TERF2: variants seen among roughly 807,000 people sequenced by gnomAD.
TERF2 encodes the protein telomeric repeat-binding factor 2.
Under a neutral mutation model 56.1 loss-of-function variants are expected in TERF2, and 16 were observed. The ratio of observed to expected loss-of-function variants is 0.29; its 90% CI spans 0.19 to 0.43. The LOEUF is 0.43. Ranked by LOEUF, TERF2 falls within the 20% of genes least tolerant of loss-of-function variation. The probability of loss-of-function intolerance (pLI) is 1.00; values close to 1 mark genes in which losing one functional copy is unlikely to be tolerated. For synonymous variants in TERF2, 296 were observed against 282.1 expected (o/e 1.05, Z -0.50); for missense variants, 547 against 712.9 (o/e 0.77, Z 2.65).
In TERF2 at chr16:69,374,407, A is replaced by T. The variant is rs568434558; in HGVS notation, c.607-2052T>A. Among the ~76,000 whole-genome samples, 379 of 152,064 alleles carry T rather than the reference A, an allele frequency of 2.5e-3. 3 individuals carry two copies. The highest frequency in any genetic ancestry group is 3.9e-3 in the Non-Finnish European group (264 of 67,986). ...TGCTTTGGGAAACTGAGACAGGAGG[A>T]TCACTTGAGGCCAGGAATTTGAAAC... On this transcript the variant is annotated intron_variant, in intron 3 of 9. Transcript: ENST00000254942.
intron 8 of TERF2, 114 bp downstream of exon 8, chr16:69,361,290 A>C: frequency 1.3e-6 from 1 of 760,512 alleles, no homozygotes; most frequent in South Asian, 1.6e-5. Context: ...TCGGGAACTT[A>C]CTGAACTTTT....
chr16:69,358,004 G>A (rs568095694), intron 8 of TERF2, among the ~76,000 whole-genome samples: 3 of 148,274 alleles, frequency 2.0e-5, no homozygotes, highest in South Asian at 2.1e-4. Context: ...CACCACGCCC[G>A]GCTAATTTTT....
At chr16:69,380,262 A>G (rs2013946539) in intron 3 of TERF2, among the ~76,000 whole-genome samples, 1 of 152,172 alleles carries the variant, frequency 6.6e-6, no homozygotes, top group Admixed American at 6.5e-5. Flanking sequence ...TACGAAGCTG[A>G]AAATGGAGGA....
chr16:69,366,632 A>T, intron 7 of TERF2, 175 bp downstream of exon 7: 1 of 827,928 alleles, frequency 1.2e-6, no homozygotes, highest in Non-Finnish European at 1.8e-6. Flanking sequence ...GGGGCTTCAG[A>T]ACCGGCAGGG....
intron 5 of TERF2, among the ~76,000 whole-genome samples, chr16:69,369,266 A>G (rs1269312128): frequency 6.6e-6 from 1 of 152,152 alleles, no homozygotes; most frequent in African/African-American, 2.4e-5. Flanking sequence ...GACTGCTAAG[A>G]TCATGGACAC....
At position 69,356,403 on chromosome 16, in the gene TERF2, C is replaced by G; in HGVS notation, c.*495G>C. 1 of 307,694 alleles carries G rather than the reference C, an allele frequency of 3.2e-6. No homozygotes were observed. Among genetic ancestry groups the G allele is most frequent in the South Asian group, 2.6e-5 (1 of 38,492 alleles). The allele number at this position is 307,694 out of a possible 1,614,324, so 19.1% of individuals were successfully genotyped here. On this transcript the variant is annotated 3_prime_UTR_variant, in exon 10 of 10. Coordinates refer to ENST00000254942, the MANE Select transcript of TERF2 (RefSeq NM_005652.5). ...GCCAAGGACATGGGTGGACTTGGCT[C>G]TGCTTCTTAGCTCCATGATCTCCAA... is the stretch of plus-strand genomic sequence containing the variant.
intron 3 of TERF2, among the ~76,000 whole-genome samples, chr16:69,378,042 G>C (rs1175868717): frequency 1.3e-5 from 2 of 152,168 alleles, no homozygotes; most frequent in African/African-American, 4.8e-5. Context: ...TGGGCTTTTT[G>C]TAGACACCTT....
At chr16:69,359,208 A>T (rs2013033236) in intron 8 of TERF2, among the ~76,000 whole-genome samples, 1 of 152,152 alleles carries the variant, frequency 6.6e-6, no homozygotes, top group Non-Finnish European at 1.5e-5. Flanking sequence ...CTGCATTATA[A>T]CCCCTTGCTA....
At chr16:69,381,350 T>G (rs2013993685) in intron 3 of TERF2, among the ~76,000 whole-genome samples, 1 of 152,228 alleles carries the variant, frequency 6.6e-6, no homozygotes, top group South Asian at 2.1e-4. Flanking sequence ...CAGTTGTTCT[T>G]CAGGTAAAAT....
In TERF2 at chr16:69,356,159, C is replaced by T. The variant is rs1253776776; in HGVS notation, c.*739G>A. On this transcript the variant is annotated 3_prime_UTR_variant, in exon 10 of 10. Coordinates refer to ENST00000254942, the MANE Select transcript of TERF2 (RefSeq NM_005652.5). ...AGACTAAGTTCCTTTGCATTTGCAT[C>T]AGAAGGCCAGAACTTGACGTGGAAC... 4.4e-6 allele frequency: 2 copies of T among 453,154 alleles called. No homozygotes were observed. Among genetic ancestry groups the T allele is most frequent in the Non-Finnish European group, 8.9e-6 (2 of 225,654 alleles). 28.1% of individuals were successfully genotyped at this position (453,154 alleles called of 1,614,324 possible). A position where few individuals can be genotyped will look rare whatever the true frequency, so the allele number is the denominator to read the frequency against.
chr16:69,381,955 G>T lies in TERF2; in HGVS notation c.606+2625C>A, dbSNP rs2014014999. On this transcript the variant is annotated intron_variant, in intron 3 of 9. Coordinates refer to ENST00000254942, the MANE Select transcript of TERF2 (RefSeq NM_005652.5). ...TGACTAACATTCTTAATTAAAATTG[G>T]TAGTTTTAAAAAAAATTGTGGCAGT... Among the ~76,000 whole-genome samples, 4 of 152,028 alleles carry T rather than the reference G, an allele frequency of 2.6e-5. No individual in the cohort carries two copies. The South Asian group carries it at 8.3e-4, about 32-fold the overall frequency.
chr16:69,373,593 A>C (rs2142745627), intron 3 of TERF2, among the ~76,000 whole-genome samples: 1 of 152,264 alleles, frequency 6.6e-6, no homozygotes, highest in Admixed American at 6.5e-5. Flanking sequence ...ACACTTTGAG[A>C]GGCCAAGGTG....
intron 3 of TERF2, among the ~76,000 whole-genome samples, chr16:69,383,319 T>C (rs973481187): frequency 6.6e-6 from 1 of 152,194 alleles, no homozygotes; most frequent in African/African-American, 2.4e-5. Flanking sequence ...CTAAATTTAA[T>C]GCAAATATTC....
intron 7 of TERF2, among the ~76,000 whole-genome samples, chr16:69,362,328 C>G (rs1005994030): frequency 1.3e-5 from 2 of 152,106 alleles, no homozygotes; most frequent in African/African-American, 4.8e-5. Flanking sequence ...CCACAACACA[C>G]ACAGAAAGCC....
At chr16:69,385,572 C>G (rs1322407952) in intron 1 of TERF2, 21 bp downstream of exon 1, 1 of 1,590,676 alleles carries the variant, frequency 6.3e-7, no homozygotes, top group South Asian at 1.1e-5. Flanking sequence ...TCCAACCCCC[C>G]TCCCCCGGCC....
chr16:69,367,900 AACC>A (rs368079442), intron 6 of TERF2, among the ~76,000 whole-genome samples: 161 of 152,320 alleles, frequency 1.1e-3, no homozygotes, highest in African/African-American at 3.4e-3. Flanking sequence ...ACAGAGCAAC[AACC>A]ACAAGAAGCT....
Position 69,371,315 on chromosome 16 carries a change from A to T in TERF2, c.694-686T>A, listed in dbSNP as rs867968487. On this transcript the variant is annotated intron_variant, in intron 4 of 9. Coordinates refer to ENST00000254942, the MANE Select transcript of TERF2 (RefSeq NM_005652.5). The stretch of plus-strand genomic sequence containing the variant: ...GGAGTTTGAGACCAGCCTGGCCAAC[A>T]TGTTAAAACCCCGTCTCTACTAAAA... Among the ~76,000 whole-genome samples the T allele has an allele frequency of 4.0e-5, 6 of 151,594 alleles. No individual in the cohort carries two copies. In the South Asian group the frequency reaches 1.3e-3, roughly 32 times the overall value.
intron 3 of TERF2, among the ~76,000 whole-genome samples, chr16:69,375,198 T>C (rs1425428013): frequency 6.6e-6 from 1 of 152,224 alleles, no homozygotes; most frequent in Non-Finnish European, 1.5e-5. Flanking sequence ...ATGGTTATTA[T>C]AAATAGAGAT....
intron 3 of TERF2, among the ~76,000 whole-genome samples, chr16:69,382,356 G>A (rs920617824): frequency 1.3e-5 from 2 of 152,222 alleles, no homozygotes; most frequent in African/African-American, 4.8e-5. Flanking sequence ...CAGATTCCGT[G>A]ACTGTAAATG....
Sources: allele counts gnomAD v4.1 joint callset (sites outside exome capture counted in the v4.1 genomes callset), GRCh38; gene constraint gnomAD v4.1.1; transcripts MANE v1.5; gene names NCBI Gene and HGNC (gene_info 2026-07-23, HGNC 2026-07-21).